Variants in HDAC9 observed in about 807,000 individuals in gnomAD.
HDAC9 encodes MEF-2 interacting transcription repressor (MITR) protein.
HDAC9 carries 41 observed loss-of-function variants against 139.4 expected under a neutral mutation model. That is an observed-to-expected ratio of 0.29 (90% CI 0.23 to 0.38). HDAC9 has a LOEUF of 0.38. Among genes scored for constraint, HDAC9 ranks in the 10% least tolerant of loss-of-function variants. The pLI is 1.00. For synonymous variants in HDAC9, 517 were observed against 476.2 expected, an observed-to-expected ratio of 1.09 and a Z score of -1.12; for missense variants, 1,147 against 1,297.0, an observed-to-expected ratio of 0.88 and a Z score of 1.78.
chr7:18,166,783 G>A (rs1272097682), intron 2 of HDAC9, among the ~76,000 whole-genome samples: 1 of 152,210 alleles, frequency 6.6e-6, no homozygotes, highest in South Asian at 2.1e-4. Context: ...CCACAGTGGT[G>A]CCATTTAGCC....
chr7:18,565,431 A>G (rs1415065776), intron 2 of HDAC9, among the ~76,000 whole-genome samples: 1 of 152,220 alleles, frequency 6.6e-6, no homozygotes, highest in African/African-American at 2.4e-5. Flanking sequence ...TCCAAACTCT[A>G]CTTGCTCACA....
At chr7:18,926,775 A>C (rs779272698) in intron 22 of HDAC9, among the ~76,000 whole-genome samples, 1 of 152,122 alleles carries the variant, frequency 6.6e-6, no homozygotes, top group Non-Finnish European at 1.5e-5. Flanking sequence ...GTTGTTTCAG[A>C]CTTTTTTTAG....
chr7:18,347,138 C>T (rs753304708), intron 1 of HDAC9, among the ~76,000 whole-genome samples: 59 of 152,028 alleles, frequency 3.9e-4, no homozygotes, highest in Non-Finnish European at 6.9e-4. Flanking sequence ...TAAAATTCAC[C>T]GTATTAATGT....
chr7:18,276,596 A>G (rs1056296996), intron 2 of HDAC9, among the ~76,000 whole-genome samples: 1 of 152,196 alleles, frequency 6.6e-6, no homozygotes, highest in Non-Finnish European at 1.5e-5. Context: ...GTCTCCTGAC[A>G]TGCCATTTCT....
chr7:18,813,352 T>C (rs1423542172), intron 17 of HDAC9, among the ~76,000 whole-genome samples: 7 of 152,134 alleles, frequency 4.6e-5, no homozygotes, highest in African/African-American at 1.7e-4. Context: ...GCTTCTTTGG[T>C]TATCTATTGT....
intron 2 of HDAC9, among the ~76,000 whole-genome samples, chr7:18,518,553 GAC>G (rs1409450628): frequency 1.3e-5 from 2 of 152,102 alleles, no homozygotes; most frequent in Non-Finnish European, 2.9e-5. Context: ...ACTAGATTTA[GAC>G]TACCTAAAGA....
chr7:18,874,654 C>A, intron 22 of HDAC9, 58 bp downstream of exon 22: 3 of 979,926 alleles, frequency 3.1e-6, no homozygotes, highest in Non-Finnish European at 3.2e-6. Context: ...TCTTTTAGGT[C>A]TTTATGATAG....
intron 1 of HDAC9, among the ~76,000 whole-genome samples, chr7:18,160,327 G>A (rs1038048151): frequency 1.3e-5 from 2 of 152,182 alleles, no homozygotes; most frequent in African/African-American, 2.4e-5. Flanking sequence ...TTTACAAAAT[G>A]TTTCAGACTA....
chr7:18,322,288 A>G (rs541748300), intron 1 of HDAC9, among the ~76,000 whole-genome samples: 3 of 152,342 alleles, frequency 2.0e-5, no homozygotes, highest in Admixed American at 1.3e-4. Context: ...CTTTTTCATA[A>G]TCACAAACTT....
At chr7:18,631,822 A>G (rs1422014410) in intron 7 of HDAC9, among the ~76,000 whole-genome samples, 2 of 151,904 alleles carry the variant, frequency 1.3e-5, no homozygotes, top group South Asian at 4.1e-4. Context: ...TCCAGTTCCA[A>G]TATCATACAC....
chr7:18,786,469 T>TCTTTCTTTC (rs1562940422), intron 16 of HDAC9, among the ~76,000 whole-genome samples: 51 of 16,254 alleles, frequency 3.1e-3, no homozygotes, highest in African/African-American at 5.7e-3. Flanking sequence ...TTCCTTCCTT[T>TCTTTCTTTC]CGTCCTTCCT....
chr7:18,816,177 A>AT (rs1429991722), intron 17 of HDAC9, among the ~76,000 whole-genome samples: 2 of 152,246 alleles, frequency 1.3e-5, no homozygotes, highest in African/African-American at 4.8e-5. Context: ...TCTCATAAAG[A>AT]TTTATGTGTT....
chr7:18,903,978 A>C (rs1489144154), intron 22 of HDAC9, among the ~76,000 whole-genome samples: 1 of 152,182 alleles, frequency 6.6e-6, no homozygotes, highest in East Asian at 1.9e-4. Flanking sequence ...GGATGAGAAT[A>C]ATGCTGGCTA....
intron 6 of HDAC9, among the ~76,000 whole-genome samples, chr7:18,616,530 G>A (rs952328808): frequency 3.9e-5 from 6 of 152,246 alleles, no homozygotes; most frequent in South Asian, 4.1e-4. Context: ...ATAGGTAATA[G>A]TGTTTCCTTA....
At chr7:18,429,138 A>G (rs1255649055) in intron 1 of HDAC9, 2 of 152,000 alleles carry the variant, frequency 1.3e-5, no homozygotes, top group Admixed American at 1.3e-4. Flanking sequence ...CTTGCAATCG[A>G]TCTCCCCCAT....
intron 1 of HDAC9, among the ~76,000 whole-genome samples, chr7:18,361,456 C>T (rs929784336): frequency 4.6e-5 from 7 of 152,154 alleles, no homozygotes; most frequent in Non-Finnish European, 7.3e-5. Flanking sequence ...TTCCCTACCC[C>T]TTCTTTACCA....
At chr7:18,972,904 T>C (rs1296164547) in intron 24 of HDAC9, among the ~76,000 whole-genome samples, 4 of 152,228 alleles carry the variant, frequency 2.6e-5, no homozygotes, top group Non-Finnish European at 1.5e-5. Flanking sequence ...ACAAGGGTAA[T>C]GTATCATTTC....
chr7:18,990,818 C>T (rs937977032), intron 25 of HDAC9, among the ~76,000 whole-genome samples: 1 of 152,200 alleles, frequency 6.6e-6, no homozygotes, highest in Non-Finnish European at 1.5e-5. Context: ...TTTCCAGGTG[C>T]CGTCTGTCAC....
intron 11 of HDAC9, among the ~76,000 whole-genome samples, chr7:18,658,899 C>CAAAAAAAAAAAAAAAAAAA (rs11306117): frequency 8.5e-6 from 1 of 118,156 alleles, no homozygotes; most frequent in African/African-American, 2.8e-5. Context: ...AAAAAAAAAG[C>CAAAAAAAAAAAAAAAAAAA]AAAAAAAAAA....
Sources: gnomAD v4.1 joint callset for allele counts (sites outside exome capture counted in the v4.1 genomes callset) on GRCh38, gnomAD v4.1.1 for gene constraint, MANE v1.5 for transcripts, NCBI Gene and HGNC (gene_info 2026-07-23, HGNC 2026-07-21) for gene names.